Variants in SYTL3 observed in about 807,000 individuals in gnomAD.
SYTL3 encodes the protein synaptotagmin-like protein 3.
A neutral mutation model predicts 82.1 loss-of-function variants in SYTL3; 88 were observed. That is an observed-to-expected ratio of 1.07 (90% CI 0.90 to 1.28). The LOEUF is 1.28. Ranked by LOEUF, SYTL3 falls within the 50% of genes most tolerant of loss-of-function variation. The probability of loss-of-function intolerance (pLI) is 0.00; values close to 1 mark genes in which losing one functional copy is unlikely to be tolerated. For missense variants in SYTL3, 831 were observed against 757.6 expected, an observed-to-expected ratio of 1.10 and a Z score of -1.14; for synonymous variants, 311 against 289.4, an observed-to-expected ratio of 1.07 and a Z score of -0.76.
intron 11 of SYTL3, chr6:158,726,865 T>C (rs1183040123): frequency 4.6e-5 from 7 of 152,556 alleles, no homozygotes; most frequent in Non-Finnish European, 8.7e-5. Flanking sequence ...TTTTTTTTTT[T>C]TTGAGACAGA....
Position 158,751,955 on chromosome 6 carries a change from C to T in SYTL3, c.1062C>T (p.Asp354=). 6.2e-7 allele frequency: 1 copy of T among 1,601,646 alleles called. No homozygotes were observed. The highest frequency in any genetic ancestry group is 8.5e-7 in the Non-Finnish European group (1 of 1,174,558). Residue 354 remains aspartate (D), a synonymous_variant, in exon 13 of 18, where the codon GAC becomes GAT. Transcript: ENST00000611299. ...ATGTGAAGACCTACCTGTTGCCCGA[C>T]AGATCCTCCCAGGGAAAGCGCAAGA... ...NPYVKTYLLP[D]RSSQGKRKTG... is the part of the protein sequence containing the mutation.
chr6:158,732,434 C>T lies in SYTL3; in HGVS notation c.855+6797C>T, dbSNP rs773477172. 6.6e-5 allele frequency among the ~76,000 whole-genome samples: 10 copies of T among 152,242 alleles called. No individual in the cohort carries two copies. The East Asian group carries it at 7.7e-4, about 12-fold the overall frequency. On this transcript the variant is annotated intron_variant, in intron 11 of 17. Transcript: ENST00000611299. ...GCACTCTAAATAAAAGCGACTGTTACGCGTGTGCGCACGGTAGGCCAGAGG... is the reference window on the plus strand; with the variant it reads ...GCACTCTAAATAAAAGCGACTGTTATGCGTGTGCGCACGGTAGGCCAGAGG...
In SYTL3 at chr6:158,760,622, T is replaced by C. The variant is rs754831620; in HGVS notation, c.1309-18T>C. The stretch of plus-strand genomic sequence containing the variant: ...GACTTGGGGAATCCTGTCCCTAAGC[T>C]CTGCCTCTTGTCCCCAGGCGGAGAA... On this transcript the variant is annotated intron_variant, in intron 14 of 17. Coordinates refer to ENST00000611299, the MANE Select transcript of SYTL3 (RefSeq NM_001242394.2). The C allele has an allele frequency of 3.7e-6, 6 of 1,609,310 alleles. No homozygotes were observed. Among genetic ancestry groups the C allele is most frequent in the South Asian group, 3.3e-5 (3 of 90,952 alleles).
intron 11 of SYTL3, among the ~76,000 whole-genome samples, chr6:158,742,254 A>G (rs927512711): frequency 2.0e-5 from 3 of 152,288 alleles, no homozygotes; most frequent in Admixed American, 1.3e-4. Flanking sequence ...ATGTATTCCA[A>G]TATCAAATAG....
intron 5 of SYTL3, among the ~76,000 whole-genome samples, chr6:158,681,297 C>T (rs757171925): frequency 6.6e-5 from 10 of 152,222 alleles, no homozygotes; most frequent in African/African-American, 1.9e-4. Context: ...CATGTTAGGA[C>T]GTCAGTTTGG....
chr6:158,711,365 A>G (rs959819146), intron 8 of SYTL3, among the ~76,000 whole-genome samples: 1 of 152,162 alleles, frequency 6.6e-6, no homozygotes, highest in Non-Finnish European at 1.5e-5. Context: ...GACACAGCCA[A>G]TAGGATATGT....
intron 2 of SYTL3, among the ~76,000 whole-genome samples, chr6:158,659,300 ATCT>A (rs1352408778): frequency 2.0e-5 from 3 of 152,240 alleles, no homozygotes; most frequent in East Asian, 1.9e-4. Context: ...AGTTTTGCAC[ATCT>A]TCTGCCAAGC....
At chr6:158,702,157 T>A (rs936794589) in intron 6 of SYTL3, among the ~76,000 whole-genome samples, 1 of 150,918 alleles carries the variant, frequency 6.6e-6, no homozygotes, top group Admixed American at 6.6e-5. Context: ...TCATTTAAAA[T>A]TTTTTTTGTA....
intron 11 of SYTL3, among the ~76,000 whole-genome samples, chr6:158,733,745 G>A (rs1785730252): frequency 6.6e-6 from 1 of 151,924 alleles, no homozygotes; most frequent in African/African-American, 2.4e-5. Context: ...CTGTGTAAAG[G>A]ATAAAAATTG....
intron 11 of SYTL3, among the ~76,000 whole-genome samples, chr6:158,733,173 C>A (rs147274986): frequency 5.3e-5 from 8 of 152,272 alleles, no homozygotes; most frequent in African/African-American, 1.7e-4. Context: ...GTTCTGTGTT[C>A]TTGTACTTGA....
At chr6:158,734,734 C>T (rs1328739017) in intron 11 of SYTL3, among the ~76,000 whole-genome samples, 1 of 152,126 alleles carries the variant, frequency 6.6e-6, no homozygotes, top group East Asian at 1.9e-4. Flanking sequence ...TTGTCTGTGT[C>T]ACCTCCCCAC....
intron 6 of SYTL3, among the ~76,000 whole-genome samples, chr6:158,701,251 A>G (rs1380405490): frequency 0.016 from 129 of 7,844 alleles, 2 homozygotes; most frequent in South Asian, 0.026. Flanking sequence ...TAGATGAAGG[A>G]GTGTGAGCTG....
intron 10 of SYTL3, among the ~76,000 whole-genome samples, chr6:158,719,384 A>C (rs529059865): frequency 6.6e-6 from 1 of 152,206 alleles, no homozygotes; most frequent in Admixed American, 6.5e-5. Context: ...TCTTATGAGT[A>C]TAGGGGGTCA....
At chr6:158,682,619 A>G (rs1171985506) in intron 5 of SYTL3, among the ~76,000 whole-genome samples, 3 of 152,078 alleles carry the variant, frequency 2.0e-5, no homozygotes, top group Non-Finnish European at 4.4e-5. Flanking sequence ...TCGGCCTCCC[A>G]AAGTGCTGGG....
chr6:158,683,350 AC>A (rs1214595585), intron 6 of SYTL3, among the ~76,000 whole-genome samples: 1 of 151,038 alleles, frequency 6.6e-6, no homozygotes, highest in East Asian at 1.9e-4. Flanking sequence ...CCTCCGGAGT[AC>A]CTGGGATTAC....
chr6:158,665,945 A>G (rs1789997110), intron 5 of SYTL3, among the ~76,000 whole-genome samples: 1 of 152,052 alleles, frequency 6.6e-6, no homozygotes, highest in Non-Finnish European at 1.5e-5. Context: ...CCCCATCTCT[A>G]CAAAAAAATA....
rs374739822 is a variant in SYTL3, at chr6:158,691,726, T to A, written c.394+8737T>A. The stretch of plus-strand genomic sequence containing the variant: ...GAGTGCAGTGATGTGATCTCGGCTC[T>A]CTGCAAGCTCCGCCTCCCGGGTTCA... On this transcript the variant is annotated intron_variant, in intron 6 of 17. Transcript: ENST00000611299. Among the ~76,000 whole-genome samples the A allele has an allele frequency of 1.5e-4, 22 of 151,452 alleles. No individual in the cohort carries two copies. In the East Asian group the frequency reaches 1.8e-3, roughly 12 times the overall value.
intron 10 of SYTL3, among the ~76,000 whole-genome samples, chr6:158,719,386 AGG>A (rs1783805823): frequency 6.6e-6 from 1 of 152,156 alleles, no homozygotes; most frequent in Non-Finnish European, 1.5e-5. Context: ...TTATGAGTAT[AGG>A]GGGTCACTGG....
intron 2 of SYTL3, among the ~76,000 whole-genome samples, chr6:158,652,660 G>T (rs1316607762): frequency 6.6e-6 from 1 of 152,088 alleles, no homozygotes; most frequent in Non-Finnish European, 1.5e-5. Context: ...TTCTGTCTCA[G>T]CTTCCCGAGT....
Sources: gnomAD v4.1 joint callset for allele counts (sites outside exome capture counted in the v4.1 genomes callset) on GRCh38, gnomAD v4.1.1 for gene constraint, MANE v1.5 for transcripts, NCBI Gene and HGNC (gene_info 2026-07-23, HGNC 2026-07-21) for gene names.